USP14: variants seen among roughly 807,000 people sequenced by gnomAD.
The protein encoded by USP14 is ubiquitin carboxyl-terminal hydrolase 14.
USP14 carries 38 observed loss-of-function variants against 76.5 expected under a neutral mutation model. That is an observed-to-expected ratio of 0.50 (90% CI 0.38 to 0.65). The LOEUF (loss-of-function observed/expected upper bound fraction) is 0.65. Ranked by LOEUF, USP14 falls within the 30% of genes least tolerant of loss-of-function variation. USP14 has a pLI of 0.00. For missense variants in USP14, 467 were observed against 586.5 expected, an observed-to-expected ratio of 0.80 and a Z score of 2.10; for synonymous variants, 192 against 191.7, an observed-to-expected ratio of 1.00 and a Z score of -0.01.
At chr18:203,616 C>CTT (rs773356989) in intron 12 of USP14, among the ~76,000 whole-genome samples, 42 of 146,720 alleles carry the variant, frequency 2.9e-4, no homozygotes, top group African/African-American at 4.2e-4. Flanking sequence ...TGGTTTCTTT[C>CTT]TTTTTTTTTT....
intron 5 of USP14, 30 bp downstream of exon 5, chr18:180,369 A>G (rs776563606): frequency 1.4e-6 from 2 of 1,401,854 alleles, no homozygotes; most frequent in Non-Finnish European, 2.0e-6. Context: ...TGGGTAAGGG[A>G]TGTTCACATT....
At position 210,366 on chromosome 18, in the gene USP14, G is replaced by T; in HGVS notation, c.1226-20G>T. On this transcript the variant is annotated intron_variant, in intron 14 of 15. Coordinates refer to ENST00000261601, the MANE Select transcript of USP14 (RefSeq NM_005151.4). ...TGTCTATTCATTGTCTAATATTAAT[G>T]GATTTACATCTTTCTTTAGATATTG... 2 of 1,533,918 alleles carry T rather than the reference G, an allele frequency of 1.3e-6. No individual in the cohort carries two copies. The highest frequency in any genetic ancestry group is 1.2e-5 in the South Asian group (1 of 83,938).
intron 1 of USP14, among the ~76,000 whole-genome samples, chr18:159,190 C>T (rs1402243570): frequency 6.6e-6 from 1 of 152,068 alleles, no homozygotes; most frequent in Non-Finnish European, 1.5e-5. Context: ...TTCTCTTGCC[C>T]CTTGCCTTTG....
At chr18:199,584 G>A (rs1311357430) in intron 10 of USP14, among the ~76,000 whole-genome samples, 1 of 152,078 alleles carries the variant, frequency 6.6e-6, no homozygotes, top group Non-Finnish European at 1.5e-5. Context: ...TTATTTCACT[G>A]TTTAAGATGA....
At chr18:192,941 CATT>C (rs1318381383) in intron 6 of USP14, 41 bp downstream of exon 6, 2 of 1,541,868 alleles carry the variant, frequency 1.3e-6, no homozygotes, top group African/African-American at 2.8e-5. Flanking sequence ...AGGAGTAAGA[CATT>C]CTATTTTTCG....
At chr18:197,020 A>G (rs1910256376) in intron 7 of USP14, among the ~76,000 whole-genome samples, 1 of 152,146 alleles carries the variant, frequency 6.6e-6, no homozygotes, top group Non-Finnish European at 1.5e-5. Flanking sequence ...CCCCTTGTTC[A>G]GTACTCCCTA....
chr18:199,485 G>C (rs1910328791), intron 10 of USP14, among the ~76,000 whole-genome samples, 169 bp downstream of exon 10: 1 of 152,118 alleles, frequency 6.6e-6, no homozygotes, highest in African/African-American at 2.4e-5. Context: ...CAAGTACTTG[G>C]CCTTCTTGTT....
At chr18:177,421 C>G (rs1010430035) in intron 3 of USP14, among the ~76,000 whole-genome samples, 1 of 121,954 alleles carries the variant, frequency 8.2e-6, no homozygotes, top group Non-Finnish European at 1.6e-5. Flanking sequence ...GTCCCTGTCT[C>G]TAAAAAAAAA....
At chr18:178,203 A>C (rs2144231907) in intron 3 of USP14, among the ~76,000 whole-genome samples, 1 of 152,162 alleles carries the variant, frequency 6.6e-6, no homozygotes, top group East Asian at 1.9e-4. Flanking sequence ...TATTTTTTGT[A>C]GAGATGGGAT....
rs774408496 is a variant in USP14 at position 163,370 on chromosome 18, A to G, written c.79A>G (p.Met27Val). The G allele has an allele frequency of 9.0e-5, 146 of 1,614,002 alleles. 1 individual carries two copies. Among genetic ancestry groups the G allele is most frequent in the Middle Eastern group, 1.6e-4 (1 of 6,082 alleles). ...GVELNTDEPP[M>V]VFKAQLFALT... The stretch of plus-strand genomic sequence containing the variant: ...AGAATTGAATACAGATGAACCTCCA[A>G]TGGTATTCAAGGCTCAGCTGTTTGC... The change falls in exon 2 of 16, where the codon ATG becomes GTG. Residue 27 changes from methionine to valine, a missense_variant. By Grantham distance (21) the Met-to-Val change is conservative. Coordinates refer to ENST00000261601, the MANE Select transcript of USP14 (RefSeq NM_005151.4).
rs372517405 is a variant in USP14, at chr18:170,840, C to T, written c.195+4021C>T. Among the ~76,000 whole-genome samples the T allele has an allele frequency of 2.4e-4, 36 of 151,676 alleles. No homozygotes were observed. The South Asian group carries it at 7.5e-3, about 32-fold the overall frequency. ...CATGGACACAGGGAGGAGAACAGCA[C>T]ACACGGGGGCCTGTCAGGCAGTGGG... On this transcript the variant is annotated intron_variant, in intron 3 of 15. Transcript: ENST00000261601.
chr18:210,559 A>G, intron 15 of USP14, 66 bp downstream of exon 15: 2 of 1,250,602 alleles, frequency 1.6e-6, no homozygotes, highest in Non-Finnish European at 2.2e-6. Flanking sequence ...TAAATTTTAT[A>G]GCAGTGTGGT....
At chr18:168,494 G>T (rs1354033627) in intron 3 of USP14, among the ~76,000 whole-genome samples, 1 of 152,058 alleles carries the variant, frequency 6.6e-6, no homozygotes, top group African/African-American at 2.4e-5. Flanking sequence ...GAGTGTGGTG[G>T]TGTGATCTTG....
intron 3 of USP14, among the ~76,000 whole-genome samples, chr18:170,131 T>C (rs999952197): frequency 5.3e-5 from 8 of 152,032 alleles, no homozygotes; most frequent in African/African-American, 1.9e-4. Context: ...TGAAACCCCA[T>C]CTCCACTAAA....
intron 3 of USP14, among the ~76,000 whole-genome samples, chr18:176,026 T>A (rs1909616590): frequency 6.6e-6 from 1 of 152,224 alleles, no homozygotes; most frequent in Non-Finnish European, 1.5e-5. Context: ...CATATTCTAC[T>A]GTTATTACCC....
At chr18:202,999 G>C (rs1910424450) in intron 11 of USP14, 54 bp downstream of exon 11, 1 of 1,605,998 alleles carries the variant, frequency 6.2e-7, no homozygotes. Flanking sequence ...AATATTTCCA[G>C]TTAATTAATT....
intron 10 of USP14, among the ~76,000 whole-genome samples, chr18:199,534 A>T (rs568388848): frequency 1.3e-5 from 2 of 152,318 alleles, no homozygotes; most frequent in South Asian, 2.1e-4. Context: ...CAGGAATGTT[A>T]GAACTGTTGT....
At chr18:169,518 T>TA (rs2144217255) in intron 3 of USP14, among the ~76,000 whole-genome samples, 1 of 152,266 alleles carries the variant, frequency 6.6e-6, no homozygotes, top group African/African-American at 2.4e-5. Context: ...GTAGTGTGGT[T>TA]AATCTCATTG....
At chr18:159,433 CT>C (rs2144200533) in intron 1 of USP14, among the ~76,000 whole-genome samples, 1 of 152,286 alleles carries the variant, frequency 6.6e-6, no homozygotes, top group African/African-American at 2.4e-5. Flanking sequence ...CCAGGGATCA[CT>C]TTTACTTAGG....
Sources: gnomAD v4.1 joint callset for allele counts (sites outside exome capture counted in the v4.1 genomes callset) on GRCh38, gnomAD v4.1.1 for gene constraint, MANE v1.5 for transcripts, NCBI Gene and HGNC (gene_info 2026-07-23, HGNC 2026-07-21) for gene names.